The following IL23R variants were observed in gnomAD, a reference collection of about 807,000 sequenced individuals.
IL23R encodes interleukin 23 receptor, also known as interleukin-23 receptor.
In IL23R, 34 loss-of-function variants were observed where a neutral mutation model predicts 56.9. That is an observed-to-expected ratio of 0.60 (90% CI 0.45 to 0.80). The LOEUF (loss-of-function observed/expected upper bound fraction) is 0.80. Ranked by LOEUF, IL23R falls within the 30% of genes least tolerant of loss-of-function variation. The pLI, the probability that IL23R is intolerant of heterozygous loss-of-function variation, is 0.00. For missense variants in IL23R, 635 were observed against 730.0 expected, an observed-to-expected ratio of 0.87 and a Z score of 1.50; for synonymous variants, 230 against 249.2, an observed-to-expected ratio of 0.92 and a Z score of 0.73.
intron 4 of IL23R, among the ~76,000 whole-genome samples, chr1:67,189,146 A>G (rs1212786778): frequency 6.6e-6 from 1 of 152,108 alleles, no homozygotes; most frequent in African/African-American, 2.4e-5. Context: ...TTGTATGTCA[A>G]TAGTACATTT....
chr1:67,186,962 A>G (rs1281695018), intron 4 of IL23R, among the ~76,000 whole-genome samples: 1 of 151,942 alleles, frequency 6.6e-6, no homozygotes, highest in Non-Finnish European at 1.5e-5. Context: ...TTTGGAACAC[A>G]TTTTATTTAT....
chr1:67,172,693 C>T (rs1230200693), intron 3 of IL23R, among the ~76,000 whole-genome samples: 1 of 152,088 alleles, frequency 6.6e-6, no homozygotes, highest in Non-Finnish European at 1.5e-5. Flanking sequence ...ACTTTATTTA[C>T]AATGATGAAA....
intron 3 of IL23R, among the ~76,000 whole-genome samples, chr1:67,181,960 A>G (rs1647150552): frequency 2.0e-5 from 3 of 152,214 alleles, no homozygotes; most frequent in African/African-American, 7.2e-5. Context: ...ATTGGTGAAC[A>G]GCAAATGTTG....
At chr1:67,248,374 C>T (rs928886954) in intron 9 of IL23R, among the ~76,000 whole-genome samples, 8 of 152,130 alleles carry the variant, frequency 5.3e-5, no homozygotes, top group Non-Finnish European at 2.9e-5. Flanking sequence ...AATCTTCAAT[C>T]TCTGGTATTC....
rs569506935 is a variant in IL23R at position 67,259,772 on chromosome 1, T to C, written c.*644T>C. On this transcript the variant is annotated 3_prime_UTR_variant, in exon 11 of 11. Transcript: ENST00000347310. ...TGAGGTCAGGAGTTCGAGTCCAGCC[T>C]GGCCAATATGCTGAAACCCTGTCTC... The C allele has an allele frequency of 5.2e-4, 80 of 152,694 alleles. No individual in the cohort carries two copies. Among genetic ancestry groups the C allele is most frequent in the African/African-American group, 1.9e-3 (77 of 41,522 alleles). The allele number at this position is 152,694 out of a possible 1,614,324, so 9.5% of individuals were successfully genotyped here. A position where few individuals can be genotyped will look rare whatever the true frequency, so the allele number is the denominator to read the frequency against.
chr1:67,175,055 T>G (rs964036521), intron 3 of IL23R, among the ~76,000 whole-genome samples: 1 of 151,918 alleles, frequency 6.6e-6, no homozygotes, highest in Non-Finnish European at 1.5e-5. Flanking sequence ...CTCCTATTAG[T>G]CGGCCTACCT....
rs1650789111 is a variant in IL23R at position 67,228,016 on chromosome 1, TTCTTCCTTTCTTTCTTTTCTTTCTTTC to T, written c.955+8291_955+8317del. On this transcript the variant is annotated intron_variant, in intron 7 of 10. Coordinates refer to ENST00000347310, the MANE Select transcript of IL23R (RefSeq NM_144701.3). ...TTTCTTTCTTTCTTTCTTTCTTTCT[TTCTTCCTTTCTTTCTTTTCTTTCTTTC>T]TCTTTCTTTCTTTCTTTCTCTGTCT... 2.8e-5 allele frequency among the ~76,000 whole-genome samples: 3 copies of T among 105,600 alleles called. 1 individual carries two copies. Among genetic ancestry groups the T allele is most frequent in the Non-Finnish European group, 6.1e-5 (3 of 49,082 alleles). The allele number at this position is 105,600 out of a possible 152,430, so 69.3% of individuals were successfully genotyped here.
intron 1 of IL23R, among the ~76,000 whole-genome samples, chr1:67,151,129 T>G (rs1471007935): frequency 6.6e-6 from 1 of 152,248 alleles, no homozygotes; most frequent in East Asian, 1.9e-4. Flanking sequence ...GTTTCTTGAC[T>G]TTTTAATGAT....
chr1:67,182,025 C>T lies in IL23R; in HGVS notation c.368-811C>T, dbSNP rs112571342. On this transcript the variant is annotated intron_variant, in intron 3 of 10. Coordinates refer to ENST00000347310, the MANE Select transcript of IL23R (RefSeq NM_144701.3). ...CTCAGAGGAGTACCTGGCCATGTGACGTGTCAGTCTGCCCCTACTGGGGGG... is the reference window on the plus strand; with the variant it reads ...CTCAGAGGAGTACCTGGCCATGTGATGTGTCAGTCTGCCCCTACTGGGGGG... Among the ~76,000 whole-genome samples the T allele has an allele frequency of 6.7e-3, 1,021 of 152,226 alleles. 10 individuals are homozygous for T. The highest frequency in any genetic ancestry group is 0.023 in the African/African-American group (974 of 41,534).
chr1:67,164,315 G>A (rs1023229612), upstream of IL23R, among the ~76,000 whole-genome samples: 9 of 152,146 alleles, frequency 5.9e-5, no homozygotes, highest in Non-Finnish European at 1.3e-4. Context: ...GGCCAACATG[G>A]TGAAACCCTA....
At chr1:67,145,098 A>G (rs1646667966) in intron 1 of IL23R, among the ~76,000 whole-genome samples, 1 of 152,160 alleles carries the variant, frequency 6.6e-6, no homozygotes, top group African/African-American at 2.4e-5. Context: ...TAATCCCAAC[A>G]CTTTGGGAGG....
Position 67,259,068 on chromosome 1 carries a change from T to G in IL23R, c.1830T>G (p.Thr610=). The G allele has an allele frequency of 6.2e-7, 1 of 1,613,976 alleles. No individual in the cohort carries two copies. Among genetic ancestry groups the G allele is most frequent in the Non-Finnish European group, 8.5e-7 (1 of 1,179,926 alleles). The part of the protein sequence containing the change: ...IVNEELPSIN[T]YFPQNILESH... ...ATGAGGAGTTGCCATCTATTAATAC[T>G]TATTTTCCACAAAATATTTTGGAAA... Residue 610 remains threonine (T), a synonymous_variant, in exon 11 of 11, where the codon ACT becomes ACG. Coordinates refer to ENST00000347310, the MANE Select transcript of IL23R (RefSeq NM_144701.3).
intron 3 of IL23R, among the ~76,000 whole-genome samples, chr1:67,173,619 ATGT>A (rs1248782160): frequency 6.6e-6 from 1 of 152,170 alleles, no homozygotes; most frequent in African/African-American, 2.4e-5. Context: ...AGTCGCCAAA[ATGT>A]TGTAAAGTAC....
chr1:67,171,209 A>C (rs1646939272), intron 3 of IL23R, among the ~76,000 whole-genome samples: 2 of 152,196 alleles, frequency 1.3e-5, no homozygotes, highest in South Asian at 4.1e-4. Flanking sequence ...CAACTTTCAC[A>C]GTTACAGAAA....
At chr1:67,264,297 T>C (rs1026344677), downstream of IL23R, among the ~76,000 whole-genome samples, 1 of 152,244 alleles carries the variant, frequency 6.6e-6, no homozygotes, top group African/African-American at 2.4e-5. Flanking sequence ...GTTTATGTTC[T>C]TTTTAAGATC....
chr1:67,163,662 G>A (rs1350272766), upstream of IL23R, among the ~76,000 whole-genome samples: 1 of 151,946 alleles, frequency 6.6e-6, no homozygotes, highest in Non-Finnish European at 1.5e-5. Context: ...GTGAGATCTG[G>A]TTGTTTAAAA....
chr1:67,182,913 G>A lies in IL23R; in HGVS notation c.445G>A (p.Gly149Arg), dbSNP rs76418789. Residue 149 changes from glycine (G) to arginine (R), a missense_variant, in exon 4 of 11, where the codon GGG (glycine) becomes AGG (arginine). Transcript: ENST00000347310. ...CAACATGACTTGCACCTGGAATGCT[G>A]GGAAGCTCACCTACATAGACACAAA... ...SGNMTCTWNA[G>R]KLTYIDTKYV... 6.2e-3 allele frequency: 9,937 copies of A among 1,614,028 alleles called. 121 individuals carry two copies. Among genetic ancestry groups the A allele is most frequent in the East Asian group, 0.061 (2,723 of 44,880 alleles).
chr1:67,225,012 A>C (rs1194453278), intron 7 of IL23R, among the ~76,000 whole-genome samples: 1 of 152,210 alleles, frequency 6.6e-6, no homozygotes, highest in African/African-American at 2.4e-5. Flanking sequence ...GCTGGTAAAC[A>C]GTAGAGCCAG....
chr1:67,207,208 T>A, intron 6 of IL23R, 153 bp downstream of exon 6: 1 of 892,300 alleles, frequency 1.1e-6, no homozygotes, highest in Non-Finnish European at 1.8e-6. Context: ...GTTTTATAAT[T>A]TCAACTTTTA....
Sources: allele counts gnomAD v4.1 joint callset (sites outside exome capture counted in the v4.1 genomes callset), GRCh38; gene constraint gnomAD v4.1.1; transcripts MANE v1.5; gene names NCBI Gene and HGNC (gene_info 2026-07-23, HGNC 2026-07-21).